Variants in LUZP2 observed in about 807,000 individuals in gnomAD.
The protein encoded by LUZP2 is leucine zipper protein 2.
Under a neutral mutation model 51.6 loss-of-function variants are expected in LUZP2, and 52 were observed. The ratio of observed to expected loss-of-function variants is 1.01; its 90% CI spans 0.81 to 1.27. LUZP2 has a LOEUF of 1.27. Ranked by LOEUF, LUZP2 falls within the 50% of genes most tolerant of loss-of-function variation. LUZP2 has a pLI of 0.00. For synonymous variants in LUZP2, 154 were observed against 137.3 expected (o/e 1.12, Z -0.85); for missense variants, 436 against 395.4 (o/e 1.10, Z -0.87).
At position 25,075,162 on chromosome 11, in the gene LUZP2, C is replaced by T. The variant is rs370304413; in HGVS notation, c.859-2167C>T. Among the ~76,000 whole-genome samples, 34 of 152,152 alleles carry T rather than the reference C, an allele frequency of 2.2e-4. 1 individual carries two copies. In the East Asian group the frequency reaches 6.2e-3, roughly 28 times the overall value. Reference sequence around the variant, plus strand: ...GAGGTTTGAATTATAAATCATACAACAAGAAATTTTTCCTTAGGCGGTGTA... The same window carrying T: ...GAGGTTTGAATTATAAATCATACAATAAGAAATTTTTCCTTAGGCGGTGTA... On this transcript the variant is annotated intron_variant, in intron 10 of 11. Coordinates refer to ENST00000336930, the MANE Select transcript of LUZP2 (RefSeq NM_001009909.4).
At chr11:24,569,671 C>A (rs1017085425) in intron 1 of LUZP2, among the ~76,000 whole-genome samples, 8 of 136,904 alleles carry the variant, frequency 5.8e-5, no homozygotes, top group African/African-American at 1.6e-4. Context: ...TACTTATTTT[C>A]TTTTTCTAAT....
chr11:24,729,443 A>G (rs1270291016), intron 2 of LUZP2, among the ~76,000 whole-genome samples, 157 bp downstream of exon 2: 1 of 152,010 alleles, frequency 6.6e-6, no homozygotes, highest in African/African-American at 2.4e-5. Context: ...CGGAAATGTC[A>G]TTTGAAATAT....
chr11:24,822,895 A>G (rs1264721933), intron 5 of LUZP2, among the ~76,000 whole-genome samples: 1 of 152,178 alleles, frequency 6.6e-6, no homozygotes, highest in African/African-American at 2.4e-5. Context: ...CACAAAATTC[A>G]TTTTCTTCAT....
intron 1 of LUZP2, among the ~76,000 whole-genome samples, chr11:24,586,511 C>A (rs1050088925): frequency 7.7e-6 from 1 of 129,722 alleles, no homozygotes; most frequent in Non-Finnish European, 1.8e-5. Context: ...ACCTCCCAAT[C>A]AACTTATTAT....
At chr11:25,054,133 G>A (rs747219674) in intron 10 of LUZP2, among the ~76,000 whole-genome samples, 2 of 152,168 alleles carry the variant, frequency 1.3e-5, no homozygotes, top group East Asian at 1.9e-4. Flanking sequence ...CTGTATTCAC[G>A]GTCTCACCAG....
intron 1 of LUZP2, among the ~76,000 whole-genome samples, chr11:24,672,256 T>C (rs1321817907): frequency 6.6e-6 from 1 of 152,296 alleles, no homozygotes; most frequent in East Asian, 1.9e-4. Flanking sequence ...AGTTACAAAT[T>C]GACCAGTATT....
chr11:25,007,202 C>T (rs959093138), intron 9 of LUZP2, among the ~76,000 whole-genome samples: 2 of 152,188 alleles, frequency 1.3e-5, no homozygotes, highest in African/African-American at 2.4e-5. Context: ...CAAGTCCCCA[C>T]CCGACCCAGA....
chr11:24,667,647 G>A (rs1471595809), intron 1 of LUZP2, among the ~76,000 whole-genome samples: 2 of 152,146 alleles, frequency 1.3e-5, no homozygotes, highest in Non-Finnish European at 2.9e-5. Context: ...TTGGAATTCA[G>A]ATTTCTAAGA....
At chr11:24,648,948 A>G (rs1029364064) in intron 1 of LUZP2, among the ~76,000 whole-genome samples, 1 of 151,980 alleles carries the variant, frequency 6.6e-6, no homozygotes, top group African/African-American at 2.4e-5. Context: ...CCAGTAAGGA[A>G]TTAATTTTCA....
Position 25,070,770 on chromosome 11 carries a change from G to GGTGTGTGT in LUZP2, c.859-6520_859-6513dup, listed in dbSNP as rs67504954. Among the ~76,000 whole-genome samples, 1,055 of 141,366 alleles carry GGTGTGTGT rather than the reference G, an allele frequency of 7.5e-3. 9 individuals carry two copies. The highest frequency in any genetic ancestry group is 0.012 in the African/African-American group (441 of 37,920). The allele number at this position is 141,366 out of a possible 152,430, so 92.7% of individuals were successfully genotyped here. ...AATGGCATTGTGAATGACTGTGTATGGTGTGTGTGTGTGTGTGTGTGTGTG... is the reference window on the plus strand; with the variant it reads ...AATGGCATTGTGAATGACTGTGTATGGTGTGTGTGTGTGTGTGTGTGTGTGTGTGTGTG... On this transcript the variant is annotated intron_variant, in intron 10 of 11. Transcript: ENST00000336930.
At chr11:24,852,662 T>C (rs1022593142) in intron 5 of LUZP2, among the ~76,000 whole-genome samples, 15 of 152,050 alleles carry the variant, frequency 9.9e-5, no homozygotes, top group Non-Finnish European at 1.9e-4. Flanking sequence ...AGTATCTTTG[T>C]TAATTTTCTG....
intron 5 of LUZP2, among the ~76,000 whole-genome samples, chr11:24,827,088 A>C (rs934592469): frequency 1.5e-5 from 1 of 65,138 alleles, no homozygotes. Flanking sequence ...AAAGAAATAC[A>C]TAGTGTGGGT....
chr11:24,848,977 C>G lies in LUZP2; in HGVS notation c.397-57014C>G, dbSNP rs570518893. On this transcript the variant is annotated intron_variant, in intron 5 of 11. Coordinates refer to ENST00000336930, the MANE Select transcript of LUZP2 (RefSeq NM_001009909.4). ...TATATGACAAACCCACAGCAAAACCCACAACCTAAGTGGGGAAGGTATAAA... is the reference window on the plus strand; with the variant it reads ...TATATGACAAACCCACAGCAAAACCGACAACCTAAGTGGGGAAGGTATAAA... 5.3e-5 allele frequency among the ~76,000 whole-genome samples: 8 copies of G among 152,148 alleles called. No individual in the cohort carries two copies. In the South Asian group the frequency reaches 1.5e-3, roughly 28 times the overall value.
chr11:24,529,207 G>C (rs1850916709), intron 1 of LUZP2, among the ~76,000 whole-genome samples: 1 of 150,976 alleles, frequency 6.6e-6, no homozygotes, highest in Non-Finnish European at 1.5e-5. Context: ...TGTCTGTTTT[G>C]ATCATTTTGT....
intron 9 of LUZP2, among the ~76,000 whole-genome samples, chr11:25,016,393 G>T (rs866363079): frequency 5.3e-5 from 8 of 151,944 alleles, no homozygotes; most frequent in Middle Eastern, 6.4e-3. Flanking sequence ...CTACAATTGA[G>T]AACCTAAGTT....
intron 5 of LUZP2, among the ~76,000 whole-genome samples, chr11:24,820,743 G>A (rs1029348741): frequency 2.0e-5 from 3 of 152,100 alleles, no homozygotes; most frequent in African/African-American, 7.2e-5. Flanking sequence ...GGGTGTTACG[G>A]TGTTATGTCA....
intron 5 of LUZP2, 102 bp from the exon 6 acceptor site, chr11:24,905,888 GT>G: frequency 1.4e-6 from 1 of 700,802 alleles, no homozygotes; most frequent in Non-Finnish European, 2.5e-6. Flanking sequence ...CATCATGAAG[GT>G]CTAATTTTTG....
intron 9 of LUZP2, among the ~76,000 whole-genome samples, chr11:25,020,446 C>A (rs375692424): frequency 1.3e-5 from 2 of 152,220 alleles, no homozygotes; most frequent in African/African-American, 2.4e-5. Context: ...TCAGCATGGA[C>A]TGCATCTGAA....
intron 5 of LUZP2, among the ~76,000 whole-genome samples, chr11:24,838,595 C>T (rs1013023346): frequency 6.6e-5 from 10 of 151,712 alleles, no homozygotes; most frequent in Non-Finnish European, 1.0e-4. Context: ...AAGCTAAGAG[C>T]ATTTAAGTTC....
Sources: allele counts gnomAD v4.1 joint callset (sites outside exome capture counted in the v4.1 genomes callset), GRCh38; gene constraint gnomAD v4.1.1; transcripts MANE v1.5; gene names NCBI Gene and HGNC (gene_info 2026-07-23, HGNC 2026-07-21).